TFDP2: variants seen among roughly 807,000 people sequenced by gnomAD.
TFDP2 encodes transcription factor Dp-2 (E2F dimerization partner 2).
Under a neutral mutation model 59.3 loss-of-function variants are expected in TFDP2, and 17 were observed. The ratio of observed to expected loss-of-function variants is 0.29; its 90% CI spans 0.20 to 0.43. TFDP2 has a LOEUF of 0.43. TFDP2 is among the 20% of genes least tolerant of loss of function. The pLI, the probability that TFDP2 is intolerant of heterozygous loss-of-function variation, is 1.00. For synonymous variants in TFDP2, 180 were observed against 194.7 expected, an observed-to-expected ratio of 0.92 and a Z score of 0.63; for missense variants, 391 against 528.8, an observed-to-expected ratio of 0.74 and a Z score of 2.56.
At chr3:142,134,354 A>AC (rs1344491001) in intron 1 of TFDP2, among the ~76,000 whole-genome samples, 3 of 151,940 alleles carry the variant, frequency 2.0e-5, no homozygotes, top group Non-Finnish European at 4.4e-5. Flanking sequence ...ATCTCAAAAA[A>AC]AAAAAAAAGA....
chr3:141,954,647 AAAAC>A (rs1447176229), intron 11 of TFDP2, among the ~76,000 whole-genome samples: 1 of 152,064 alleles, frequency 6.6e-6, no homozygotes, highest in Non-Finnish European at 1.5e-5. Flanking sequence ...AAAAAACAAA[AAAAC>A]AAAAAAGTTA....
chr3:142,080,868 C>A (rs1478847519), intron 3 of TFDP2, among the ~76,000 whole-genome samples: 1 of 152,114 alleles, frequency 6.6e-6, no homozygotes, highest in South Asian at 2.1e-4. Context: ...GACAGATAAA[C>A]CCCCAATACA....
At chr3:141,987,534 T>C (rs112830211) in intron 6 of TFDP2, among the ~76,000 whole-genome samples, 11,071 of 148,746 alleles carry the variant, frequency 0.074, 506 homozygotes, top group Non-Finnish European at 0.11. Flanking sequence ...CCACCCAACT[T>C]AGCCTCCCAA....
intron 1 of TFDP2, among the ~76,000 whole-genome samples, chr3:142,124,366 A>G (rs1359584090): frequency 2.6e-5 from 4 of 152,224 alleles, no homozygotes; most frequent in Non-Finnish European, 4.4e-5. Flanking sequence ...TCATACACTG[A>G]TAAGTGAAAA....
At chr3:142,025,426 CTA>C (rs1262422606) in intron 3 of TFDP2, among the ~76,000 whole-genome samples, 1 of 152,222 alleles carries the variant, frequency 6.6e-6, no homozygotes, top group Non-Finnish European at 1.5e-5. Flanking sequence ...GGAGTCCAAA[CTA>C]TGTCCTTGTT....
chr3:142,090,543 A>G (rs1172251849), intron 3 of TFDP2, among the ~76,000 whole-genome samples: 3 of 142,808 alleles, frequency 2.1e-5, no homozygotes, highest in African/African-American at 7.8e-5. Flanking sequence ...TTTTGGAAGC[A>G]TTTTTCTTTC....
intron 9 of TFDP2, among the ~76,000 whole-genome samples, chr3:141,968,254 T>C (rs1343584125): frequency 7.2e-6 from 1 of 138,272 alleles, no homozygotes; most frequent in African/African-American, 2.7e-5. Flanking sequence ...TTATATATTA[T>C]ATATTATATA....
chr3:141,983,935 A>G (rs750906639), intron 6 of TFDP2, among the ~76,000 whole-genome samples: 15 of 152,230 alleles, frequency 9.9e-5, no homozygotes, highest in Non-Finnish European at 2.1e-4. Context: ...TAGAATTACC[A>G]TATGATCCAG....
At chr3:141,988,535 G>C (rs1164864093) in intron 6 of TFDP2, among the ~76,000 whole-genome samples, 1 of 151,914 alleles carries the variant, frequency 6.6e-6, no homozygotes, top group Non-Finnish European at 1.5e-5. Flanking sequence ...TAGATTTCTG[G>C]TATCTTCAAA....
In TFDP2 at chr3:141,951,055, G is replaced by A. The variant is rs1258862160; in HGVS notation, c.*1458C>T. The A allele has an allele frequency of 6.6e-6, 1 of 152,198 alleles. No individual in the cohort carries two copies. Among genetic ancestry groups the A allele is most frequent in the Non-Finnish European group, 1.5e-5 (1 of 68,036 alleles). 9.4% of individuals were successfully genotyped at this position (152,198 alleles called of 1,614,324 possible). A position where few individuals can be genotyped will look rare whatever the true frequency, so the allele number is the denominator to read the frequency against. ...GGTGAGGCTATAAAGAGGCACCACA[G>A]GAAGGAGCCTGCACTTCCCCCATGG... On this transcript the variant is annotated 3_prime_UTR_variant, in exon 13 of 13. Coordinates refer to ENST00000489671, the MANE Select transcript of TFDP2 (RefSeq NM_001178139.2).
chr3:142,125,226 C>T (rs979308604), intron 1 of TFDP2, among the ~76,000 whole-genome samples: 2 of 151,880 alleles, frequency 1.3e-5, no homozygotes, highest in Non-Finnish European at 2.9e-5. Context: ...ACAAAAAATC[C>T]CACAAATTGC....
chr3:142,116,872 T>C (rs2061868248), intron 1 of TFDP2, among the ~76,000 whole-genome samples: 1 of 152,190 alleles, frequency 6.6e-6, no homozygotes, highest in Admixed American at 6.6e-5. Flanking sequence ...GTAATTTTAC[T>C]GTAAGTTCAG....
At chr3:142,005,070 C>T (rs1337589059) in intron 4 of TFDP2, among the ~76,000 whole-genome samples, 1 of 152,186 alleles carries the variant, frequency 6.6e-6, no homozygotes, top group Non-Finnish European at 1.5e-5. Flanking sequence ...CTTTTTGAGA[C>T]AGGGTCTTGC....
At chr3:142,020,475 C>T (rs1272647667) in intron 3 of TFDP2, among the ~76,000 whole-genome samples, 3 of 148,900 alleles carry the variant, frequency 2.0e-5, no homozygotes, top group African/African-American at 7.5e-5. Flanking sequence ...GTGGAGGTTG[C>T]GGTGAGCCGA....
At position 142,140,159 on chromosome 3, in the gene TFDP2, G is replaced by A. The variant is rs188917412; in HGVS notation, c.-93+9024C>T. 2.8e-3 allele frequency among the ~76,000 whole-genome samples: 425 copies of A among 151,930 alleles called. 2 individuals are homozygous for A. Among genetic ancestry groups the A allele is most frequent in the Non-Finnish European group, 5.0e-3 (337 of 67,958 alleles). On this transcript the variant is annotated intron_variant, in intron 1 of 12. Coordinates refer to ENST00000489671, the MANE Select transcript of TFDP2 (RefSeq NM_001178139.2). ...ATCCTTTCTTCCACTTGATCAAATC[G>A]GCCTTTGAAGCTTGTGCATGCCTCA...
At position 142,061,899 on chromosome 3, in the gene TFDP2, C is replaced by G. The variant is rs1229544869; in HGVS notation, c.82+31162G>C. Among the ~76,000 whole-genome samples, 25 of 113,804 alleles carry G rather than the reference C, an allele frequency of 2.2e-4. No homozygotes were observed. In the East Asian group the frequency reaches 4.7e-3, roughly 22 times the overall value. 74.7% of individuals were successfully genotyped at this position (113,804 alleles called of 152,430 possible). On this transcript the variant is annotated intron_variant, in intron 3 of 12. Coordinates refer to ENST00000489671, the MANE Select transcript of TFDP2 (RefSeq NM_001178139.2). Reference sequence around the variant, plus strand: ...CTCTCTCTCTCTCTCTACACACACACACACACACACACACACACACACACA... The same window carrying G: ...CTCTCTCTCTCTCTCTACACACACAGACACACACACACACACACACACACA...
At chr3:142,081,799 C>G (rs1044816119) in intron 3 of TFDP2, among the ~76,000 whole-genome samples, 9 of 152,094 alleles carry the variant, frequency 5.9e-5, no homozygotes, top group Admixed American at 5.9e-4. Flanking sequence ...AAAACCTGAA[C>G]AGACCAATAA....
At chr3:141,968,613 C>A (rs1348247707) in intron 9 of TFDP2, among the ~76,000 whole-genome samples, 4 of 97,074 alleles carry the variant, frequency 4.1e-5, no homozygotes, top group South Asian at 3.1e-4. Context: ...ACATATATAT[C>A]TCATATATAG....
chr3:142,127,395 C>T lies in TFDP2; in HGVS notation c.-93+21788G>A, dbSNP rs565353247. On this transcript the variant is annotated intron_variant, in intron 1 of 12. Coordinates refer to ENST00000489671, the MANE Select transcript of TFDP2 (RefSeq NM_001178139.2). Reference sequence around the variant, plus strand: ...GATCTCGGTTTACTGCAACCTCTAACTCCCGGGTTCAAGCAATTATCCTGC... The same window carrying T: ...GATCTCGGTTTACTGCAACCTCTAATTCCCGGGTTCAAGCAATTATCCTGC... Among the ~76,000 whole-genome samples, 200 of 148,174 alleles carry T rather than the reference C, an allele frequency of 1.3e-3. 1 individual carries two copies. Among genetic ancestry groups the T allele is most frequent in the Non-Finnish European group, 1.9e-3 (125 of 67,358 alleles).
Sources: allele counts gnomAD v4.1 joint callset (sites outside exome capture counted in the v4.1 genomes callset), GRCh38; gene constraint gnomAD v4.1.1; transcripts MANE v1.5; gene names NCBI Gene and HGNC (gene_info 2026-07-23, HGNC 2026-07-21).